PLCG1: variants seen among roughly 807,000 people sequenced by gnomAD.
The protein encoded by PLCG1 is 1-phosphatidylinositol 4,5-bisphosphate phosphodiesterase gamma-1.
PLCG1 carries 71 observed loss-of-function variants against 177.8 expected under a neutral mutation model. The ratio of observed to expected loss-of-function variants is 0.40; its 90% CI spans 0.33 to 0.49. PLCG1 has a LOEUF of 0.49. PLCG1 is among the 20% of genes least tolerant of loss of function. The pLI, the probability that PLCG1 is intolerant of heterozygous loss-of-function variation, is 0.72. For missense variants in PLCG1, 1,281 were observed against 1,709.0 expected (o/e 0.75, Z 4.42); for synonymous variants, 658 against 647.9 (o/e 1.02, Z -0.24).
At position 41,162,680 on chromosome 20, in the gene PLCG1, G is replaced by T; in HGVS notation, c.636G>T (p.Gln212His). 1 of 1,614,028 alleles carries T rather than the reference G, an allele frequency of 6.2e-7. No homozygotes were observed. Among genetic ancestry groups the T allele is most frequent in the Non-Finnish European group, 8.5e-7 (1 of 1,179,972 alleles). ...GCAGCGGGGACATCACCTACGGGCA[G>T]TTTGCTCAGCTGTACCGCAGCCTCA... Reference protein sequence around the residue: ...EQRSGDITYGQFAQLYRSLMY... With the variant: ...EQRSGDITYGHFAQLYRSLMY... Residue 212 changes from glutamine (Q) to histidine (H), a missense_variant, in exon 6 of 32, where the codon CAG becomes CAT. Gln to His is a conservative substitution (Grantham distance 24). This residue lies in a region of PLCG1 where 374 missense variants were observed against 443.8 expected (regional missense o/e 0.84). Transcript: ENST00000685551.
rs2035345831 is a variant in PLCG1 at position 41,157,143 on chromosome 20, A to T, written c.218-2463A>T. 1.3e-5 allele frequency among the ~76,000 whole-genome samples: 2 copies of T among 151,632 alleles called. No homozygotes were observed. The highest frequency in any genetic ancestry group is 1.3e-4 in the Admixed American group (2 of 15,228). On this transcript the variant is annotated intron_variant, in intron 1 of 31. Transcript: ENST00000685551. This position sits in a 1 kb window ranked among gnomAD's most constrained non-coding sequence, Gnocchi z 5.4. ...TGCTTACCTGGTTCCTATCTCAGGC[A>T]CCTGTTCTGCCTTCAACTGATCTCA...
rs2035567926 is a variant in PLCG1 at position 41,163,151 on chromosome 20, G to A, written c.717-52G>A. On this transcript the variant is annotated intron_variant, in intron 7 of 31. Coordinates refer to ENST00000685551, the MANE Select transcript of PLCG1 (RefSeq NM_002660.3). The surrounding 1 kb of genome is among the most constrained non-coding windows in gnomAD (Gnocchi z 5.2). ...GGAGTTGGGTTCTGCCTTCCGTGGG[G>A]CACCTTGTTGTCTGTTGACCATACT... The A allele has an allele frequency of 6.5e-7, 1 of 1,531,482 alleles. No individual in the cohort carries two copies. The highest frequency in any genetic ancestry group is 8.9e-7 in the Non-Finnish European group (1 of 1,125,462). The allele number at this position is 1,531,482 out of a possible 1,614,324, so 94.9% of individuals were successfully genotyped here. A position where few individuals can be genotyped will look rare whatever the true frequency, so the allele number is the denominator to read the frequency against.
Position 41,160,192 on chromosome 20 carries a change from G to A in PLCG1, c.512+39G>A, listed in dbSNP as rs750816583. 8 of 1,594,484 alleles carry A rather than the reference G, an allele frequency of 5.0e-6. No homozygotes were observed. The highest frequency in any genetic ancestry group is 1.3e-5 in the African/African-American group (1 of 74,580). On this transcript the variant is annotated intron_variant, in intron 4 of 31. Transcript: ENST00000685551. The surrounding 1 kb of genome is among the most constrained non-coding windows in gnomAD (Gnocchi z 5.5). ...TGTGGCTGTAGCCCAGCAGGGTGGG[G>A]ATGGGCATCCAGAACCTTAGCCAGG...
chr20:41,140,592 A>G (rs560868704), intron 1 of PLCG1, among the ~76,000 whole-genome samples: 1 of 151,776 alleles, frequency 6.6e-6, no homozygotes, highest in East Asian at 1.9e-4. Context: ...TTCTGCCCTG[A>G]CTCTGTGCCC....
Position 41,159,530 on chromosome 20 carries a change from A to G in PLCG1, c.218-76A>G. The stretch of plus-strand genomic sequence containing the variant: ...CCTGAGAGAGAGTGTAAGAATGAGG[A>G]AACCAGGCTGCCCTCCTTTCGGTGT... On this transcript the variant is annotated intron_variant, in intron 1 of 31. Coordinates refer to ENST00000685551, the MANE Select transcript of PLCG1 (RefSeq NM_002660.3). This position sits in a 1 kb window ranked among gnomAD's most constrained non-coding sequence, Gnocchi z 6.0. 1 of 1,499,146 alleles carries G rather than the reference A, an allele frequency of 6.7e-7. No individual in the cohort carries two copies. Among genetic ancestry groups the G allele is most frequent in the Non-Finnish European group, 9.1e-7 (1 of 1,095,196 alleles). The allele number at this position is 1,499,146 out of a possible 1,614,324, so 92.9% of individuals were successfully genotyped here.
chr20:41,164,720 C>T lies in PLCG1; in HGVS notation c.1218-213C>T, dbSNP rs2035623909. Among the ~76,000 whole-genome samples, 1 of 152,198 alleles carries T rather than the reference C, an allele frequency of 6.6e-6. No homozygotes were observed. Among genetic ancestry groups the T allele is most frequent in the Non-Finnish European group, 1.5e-5 (1 of 68,038 alleles). On this transcript the variant is annotated intron_variant, in intron 12 of 31. Coordinates refer to ENST00000685551, the MANE Select transcript of PLCG1 (RefSeq NM_002660.3). This position sits in a 1 kb window ranked among gnomAD's most constrained non-coding sequence, Gnocchi z 6.4. ...CCTCCATAATTGGGCCAGCTCGGGACTGCATCAGTTGCCACCCTTTGGTTT... is the reference window on the plus strand; with the variant it reads ...CCTCCATAATTGGGCCAGCTCGGGATTGCATCAGTTGCCACCCTTTGGTTT...
At position 41,167,663 on chromosome 20, in the gene PLCG1, GA is replaced by G; in HGVS notation, c.2302-186del. 1 of 591,750 alleles carries G rather than the reference GA, an allele frequency of 1.7e-6. No homozygotes were observed. Among genetic ancestry groups the G allele is most frequent in the Middle Eastern group, 4.4e-4 (1 of 2,258 alleles). The allele number at this position is 591,750 out of a possible 1,614,324, so 36.7% of individuals were successfully genotyped here. A position where few individuals can be genotyped will look rare whatever the true frequency, so the allele number is the denominator to read the frequency against. On this transcript the variant is annotated intron_variant, in intron 19 of 31. Coordinates refer to ENST00000685551, the MANE Select transcript of PLCG1 (RefSeq NM_002660.3). This position sits in a 1 kb window ranked among gnomAD's most constrained non-coding sequence, Gnocchi z 4.4. ...TGGGCCTTACATGTAAGAATGTGAAGAAAGGAAAGGGAACAGTGAGGCCGGG... is the reference window on the plus strand; with the variant it reads ...TGGGCCTTACATGTAAGAATGTGAAGAAGGAAAGGGAACAGTGAGGCCGGG...
At position 41,163,606 on chromosome 20, in the gene PLCG1, C is replaced by G. The variant is rs2035586486; in HGVS notation, c.892-109C>G. On this transcript the variant is annotated intron_variant, in intron 9 of 31. Coordinates refer to ENST00000685551, the MANE Select transcript of PLCG1 (RefSeq NM_002660.3). This position sits in a 1 kb window ranked among gnomAD's most constrained non-coding sequence, Gnocchi z 5.2. ...TTGTTTCTACCTACTGTGCACCTTG[C>G]CCACCCCCAGTTGGGACAGAGCACT... 1 of 1,061,490 alleles carries G rather than the reference C, an allele frequency of 9.4e-7. No individual in the cohort carries two copies. Among genetic ancestry groups the G allele is most frequent in the Non-Finnish European group, 1.5e-6 (1 of 685,380 alleles). The allele number at this position is 1,061,490 out of a possible 1,614,324, so 65.8% of individuals were successfully genotyped here.
rs2035562527 is a variant in PLCG1 at position 41,163,005 on chromosome 20, G to A, written c.716+13G>A. On this transcript the variant is annotated intron_variant, in intron 7 of 31. Coordinates refer to ENST00000685551, the MANE Select transcript of PLCG1 (RefSeq NM_002660.3). This position sits in a 1 kb window ranked among gnomAD's most constrained non-coding sequence, Gnocchi z 5.2. ...CCAGTACTCTGAGGTTTGGTTTGGA[G>A]TGGGGAGGTGGGGTTTTCCCTGGGC... 6.2e-7 allele frequency: 1 copy of A among 1,613,318 alleles called. No homozygotes were observed. Among genetic ancestry groups the A allele is most frequent in the Non-Finnish European group, 8.5e-7 (1 of 1,179,236 alleles).
At position 41,137,573 on chromosome 20, in the gene PLCG1, A is replaced by G. The variant is rs1273195552; in HGVS notation, c.-69A>G. 2.0e-6 allele frequency: 2 copies of G among 980,576 alleles called. No individual in the cohort carries two copies. The highest frequency in any genetic ancestry group is 8.8e-5 in the Admixed American group (2 of 22,710). The allele number at this position is 980,576 out of a possible 1,614,324, so 60.7% of individuals were successfully genotyped here. ...CCGCCTCAGCCTCAGCCCCAACCTC[A>G]GCCGCCGCCGTTGCGCTTGCTCCCG... is the stretch of plus-strand genomic sequence containing the variant. On this transcript the variant is annotated 5_prime_UTR_variant, in exon 1 of 32. Transcript: ENST00000685551. The surrounding 1 kb of genome is among the most constrained non-coding windows in gnomAD (Gnocchi z 7.3).
chr20:41,173,890 G>A lies in PLCG1; in HGVS notation c.3557-33G>A, dbSNP rs565257887. ...GGCTGGGCCCCTTGCTCTGTCCCTC[G>A]TGGGCTGAGGGCCAGGCTTTTCCTC... On this transcript the variant is annotated intron_variant, in intron 29 of 31. Transcript: ENST00000685551. The surrounding 1 kb of genome is among the most constrained non-coding windows in gnomAD (Gnocchi z 6.2). The A allele has an allele frequency of 2.1e-5, 34 of 1,609,648 alleles. No homozygotes were observed. Among genetic ancestry groups the A allele is most frequent in the East Asian group, 2.0e-4 (9 of 44,868 alleles).
At position 41,177,049 on chromosome 20, in the gene PLCG1, A is replaced by G. The variant is rs1483116284; in HGVS notation, c.*2540A>G. The G allele has an allele frequency of 6.6e-6, 1 of 152,212 alleles. No individual in the cohort carries two copies. The highest frequency in any genetic ancestry group is 1.5e-5 in the Non-Finnish European group (1 of 68,038). The allele number at this position is 152,212 out of a possible 1,614,324, so 9.4% of individuals were successfully genotyped here. On this transcript the variant is annotated 3_prime_UTR_variant, in exon 32 of 32. Coordinates refer to ENST00000685551, the MANE Select transcript of PLCG1 (RefSeq NM_002660.3). ...TCTCAAGGTGATTTAAATGAGTAAC[A>G]AGGGTTGAAAAACCCTGATTTTGGC...
intron 1 of PLCG1, among the ~76,000 whole-genome samples, chr20:41,138,164 A>G (rs2034671095): frequency 6.6e-6 from 1 of 152,168 alleles, no homozygotes; most frequent in South Asian, 2.1e-4. Context: ...CGGGCCCCCC[A>G]GACCCTGGGA....
In PLCG1 at chr20:41,157,753, A is replaced by G. The variant is rs2035368281; in HGVS notation, c.218-1853A>G. On this transcript the variant is annotated intron_variant, in intron 1 of 31. Transcript: ENST00000685551. The surrounding 1 kb of genome is among the most constrained non-coding windows in gnomAD (Gnocchi z 5.4). ...GAAATAGGGATGGGAAGCAACAGCT[A>G]TTCTTGCCCTAGGTGTGGCTTAGTG... 6.6e-6 allele frequency among the ~76,000 whole-genome samples: 1 copy of G among 152,206 alleles called. No individual in the cohort carries two copies. Among genetic ancestry groups the G allele is most frequent in the Non-Finnish European group, 1.5e-5 (1 of 68,036 alleles).
chr20:41,162,872 C>T, intron 6 of PLCG1, 86 bp from the exon 7 acceptor site: 1 of 1,401,060 alleles, frequency 7.1e-7, no homozygotes, highest in Admixed American at 1.7e-5. Flanking sequence ...CTGCCCCCAT[C>T]TGCTGCTCTA....
chr20:41,138,579 C>G (rs1242029311), intron 1 of PLCG1, among the ~76,000 whole-genome samples: 3 of 151,738 alleles, frequency 2.0e-5, no homozygotes, highest in Non-Finnish European at 4.4e-5. Context: ...CTCCCCTTGC[C>G]CTGGGAAGCA....
At position 41,174,561 on chromosome 20, in the gene PLCG1, G is replaced by A; in HGVS notation, c.*52G>A. 9 of 1,507,542 alleles carry A rather than the reference G, an allele frequency of 6.0e-6. No homozygotes were observed. The highest frequency in any genetic ancestry group is 8.1e-6 in the Non-Finnish European group (9 of 1,105,172). 93.4% of individuals were successfully genotyped at this position (1,507,542 alleles called of 1,614,324 possible). A position where few individuals can be genotyped will look rare whatever the true frequency, so the allele number is the denominator to read the frequency against. On this transcript the variant is annotated 3_prime_UTR_variant, in exon 32 of 32. Coordinates refer to ENST00000685551, the MANE Select transcript of PLCG1 (RefSeq NM_002660.3). This position sits in a 1 kb window ranked among gnomAD's most constrained non-coding sequence, Gnocchi z 5.8. Reference sequence around the variant, plus strand: ...GCAGGTGCTGTGCGCCTTGTAGAATGCCGCGAACTGGGTTCTTTGGAAGCA... The same window carrying A: ...GCAGGTGCTGTGCGCCTTGTAGAATACCGCGAACTGGGTTCTTTGGAAGCA...
rs1258288068 is a variant in PLCG1 at position 41,164,382 on chromosome 20, T to TA, written c.1217+182dup. Among the ~76,000 whole-genome samples, 1 of 152,100 alleles carries TA rather than the reference T, an allele frequency of 6.6e-6. No individual in the cohort carries two copies. Among genetic ancestry groups the TA allele is most frequent in the Admixed American group, 6.5e-5 (1 of 15,268 alleles). ...CTGCTTGAGCTGTTGCTTCCCAAGT[T>TA]ACACTTTCTGTTTCCTACGTGTTGG... On this transcript the variant is annotated intron_variant, in intron 12 of 31. Coordinates refer to ENST00000685551, the MANE Select transcript of PLCG1 (RefSeq NM_002660.3). The surrounding 1 kb of genome is among the most constrained non-coding windows in gnomAD (Gnocchi z 6.4).
At chr20:41,149,132 G>A (rs1336219773) in intron 1 of PLCG1, among the ~76,000 whole-genome samples, 1 of 152,176 alleles carries the variant, frequency 6.6e-6, no homozygotes, top group Non-Finnish European at 1.5e-5. Flanking sequence ...GTTGCTCATC[G>A]TCTCTTCCCA....
Sources: gnomAD v4.1 joint callset for allele counts (sites outside exome capture counted in the v4.1 genomes callset) on GRCh38, gnomAD v4.1.1 for gene constraint, gnomAD v4.1.1 regional missense constraint, Gnocchi (gnomAD v3.1) non-coding constraint, MANE v1.5 for transcripts, NCBI Gene and HGNC (gene_info 2026-07-23, HGNC 2026-07-21) for gene names.